Variants in NLK observed in about 807,000 individuals in gnomAD.
NLK encodes the protein serine/threonine-protein kinase NLK.
NLK carries 11 observed loss-of-function variants against 59.0 expected under a neutral mutation model. The observed-to-expected ratio is 0.19, with a 90% CI of 0.12 to 0.31. The LOEUF (loss-of-function observed/expected upper bound fraction) is 0.31, where lower values mean the gene tolerates loss of function less well. Among genes scored for constraint, NLK ranks in the 10% least tolerant of loss-of-function variants. The pLI is 1.00. For missense variants in NLK, 410 were observed against 661.1 expected (o/e 0.62, Z 4.16); for synonymous variants, 235 against 235.9 (o/e 1.00, Z 0.03).
At chr17:28,187,234 T>G (rs560066765) in intron 8 of NLK, among the ~76,000 whole-genome samples, 1 of 152,330 alleles carries the variant, frequency 6.6e-6, no homozygotes. Context: ...CTACCAGGTG[T>G]GCATACACTG....
intron 1 of NLK, among the ~76,000 whole-genome samples, chr17:28,044,065 G>A (rs1023559152): frequency 1.3e-5 from 2 of 152,184 alleles, no homozygotes; most frequent in Non-Finnish European, 2.9e-5. Context: ...AGTTGCTGTA[G>A]TAGGAAATAA....
Position 28,195,554 on chromosome 17 carries a change from A to C in NLK, c.*918A>C, listed in dbSNP as rs953636490. 2 of 152,522 alleles carry C rather than the reference A, an allele frequency of 1.3e-5. No individual in the cohort carries two copies. The highest frequency in any genetic ancestry group is 2.1e-4 in the South Asian group (1 of 4,824). 9.4% of individuals were successfully genotyped at this position (152,522 alleles called of 1,614,324 possible). A position where few individuals can be genotyped will look rare whatever the true frequency, so the allele number is the denominator to read the frequency against. ...AAAAAATAATAAAAGACAAAAACAA[A>C]TTTAAAAAAAAATTTAAGCCACAAA... On this transcript the variant is annotated 3_prime_UTR_variant, in exon 11 of 11. Coordinates refer to ENST00000407008, the MANE Select transcript of NLK (RefSeq NM_016231.5).
chr17:28,095,063 A>G (rs1904652611), intron 1 of NLK, among the ~76,000 whole-genome samples: 4 of 152,192 alleles, frequency 2.6e-5, no homozygotes, highest in Admixed American at 2.6e-4. Context: ...CCTTACCAGA[A>G]TAAAATTAGA....
At chr17:28,167,425 G>C (rs1662792879) in intron 5 of NLK, among the ~76,000 whole-genome samples, 1 of 150,688 alleles carries the variant, frequency 6.6e-6, no homozygotes, top group African/African-American at 2.4e-5. Context: ...ATTGTTTGTA[G>C]AGTTGAGATC....
intron 4 of NLK, among the ~76,000 whole-genome samples, chr17:28,162,670 T>C (rs1908060057): frequency 6.6e-6 from 1 of 152,140 alleles, no homozygotes; most frequent in Admixed American, 6.5e-5. Flanking sequence ...CTAAGATTTG[T>C]TCATATTCTA....
chr17:28,117,585 C>T (rs890181439), intron 1 of NLK, among the ~76,000 whole-genome samples: 1 of 152,134 alleles, frequency 6.6e-6, no homozygotes, highest in Non-Finnish European at 1.5e-5. Context: ...AGATATTTTG[C>T]TGCTCCTAAG....
chr17:28,185,114 G>T (rs1909065044), intron 7 of NLK, 65 bp from the exon 8 acceptor site: 2 of 866,596 alleles, frequency 2.3e-6, no homozygotes, highest in East Asian at 2.8e-5. Flanking sequence ...TCATAAATTG[G>T]CTGTATTCCA....
At chr17:28,190,676 A>G (rs1909274252) in intron 8 of NLK, among the ~76,000 whole-genome samples, 1 of 152,154 alleles carries the variant, frequency 6.6e-6, no homozygotes. Flanking sequence ...TGTTATTTAA[A>G]AGGTAAACGT....
chr17:28,155,315 C>A (rs1349390301), intron 3 of NLK, among the ~76,000 whole-genome samples: 3 of 152,130 alleles, frequency 2.0e-5, no homozygotes, highest in African/African-American at 7.2e-5. Flanking sequence ...AATAGGAACG[C>A]TTTTACACTG....
At chr17:28,055,047 A>G (rs1188695719) in intron 1 of NLK, among the ~76,000 whole-genome samples, 1 of 151,740 alleles carries the variant, frequency 6.6e-6, no homozygotes, top group African/African-American at 2.4e-5. Flanking sequence ...CAGCGGAGAT[A>G]GTAATAGTAT....
At chr17:28,050,633 A>G (rs1029209686) in intron 1 of NLK, among the ~76,000 whole-genome samples, 7 of 152,052 alleles carry the variant, frequency 4.6e-5, no homozygotes, top group African/African-American at 1.7e-4. Flanking sequence ...TATGTAAAAT[A>G]GAAGAGTAGA....
At chr17:28,167,130 G>A (rs140035515) in intron 5 of NLK, among the ~76,000 whole-genome samples, 3 of 152,250 alleles carry the variant, frequency 2.0e-5, no homozygotes, top group East Asian at 1.9e-4. Context: ...TCATAAAGAC[G>A]ACAGACACAG....
intron 8 of NLK, among the ~76,000 whole-genome samples, chr17:28,186,097 A>AT (rs1230215508): frequency 6.6e-6 from 1 of 152,242 alleles, no homozygotes; most frequent in African/African-American, 2.4e-5. Flanking sequence ...AGTAAAGAAA[A>AT]TTTAACTTGC....
intron 1 of NLK, among the ~76,000 whole-genome samples, chr17:28,065,845 T>C (rs1302374361): frequency 6.6e-6 from 1 of 152,218 alleles, no homozygotes; most frequent in Non-Finnish European, 1.5e-5. Flanking sequence ...CTAGCAAGTC[T>C]TAGACTTGTC....
chr17:28,102,675 C>A (rs1054374403), intron 1 of NLK, among the ~76,000 whole-genome samples: 8 of 152,102 alleles, frequency 5.3e-5, no homozygotes, highest in African/African-American at 1.9e-4. Flanking sequence ...AGTTTTTACC[C>A]CCCTCAGCTA....
chr17:28,059,520 CTG>C (rs1381066657), intron 1 of NLK, among the ~76,000 whole-genome samples: 1 of 152,092 alleles, frequency 6.6e-6, no homozygotes, highest in East Asian at 1.9e-4. Context: ...TTAATAGAAA[CTG>C]TGTCCAAAGT....
At chr17:28,114,338 T>A (rs2142808475) in intron 1 of NLK, among the ~76,000 whole-genome samples, 1 of 152,296 alleles carries the variant, frequency 6.6e-6, no homozygotes, top group Non-Finnish European at 1.5e-5. Flanking sequence ...TCCAAAGTGA[T>A]TATAACAATT....
At position 28,192,176 on chromosome 17, in the gene NLK, A is replaced by G; in HGVS notation, c.1492A>G (p.Ile498Val). The part of the protein sequence containing the change: ...QQKGNRVPLC[I>V]NPQSAAFKSF... Reference sequence around the variant, plus strand: ...GAAAGGAAACAGAGTGCCTCTCTGCATCAACCCTCAGTCTGCTGCTTTTAA... The same window carrying G: ...GAAAGGAAACAGAGTGCCTCTCTGCGTCAACCCTCAGTCTGCTGCTTTTAA... The change falls in exon 10 of 11, where the codon ATC becomes GTC. Residue 498 changes from isoleucine to valine, a missense_variant. Ile to Val is a conservative substitution (Grantham distance 29). This residue lies in a region of NLK where 2 missense variants were observed against 18.8 expected (regional missense o/e 0.11). Transcript: ENST00000407008. 1 of 1,608,814 alleles carries G rather than the reference A, an allele frequency of 6.2e-7. No individual in the cohort carries two copies. Among genetic ancestry groups the G allele is most frequent in the Non-Finnish European group, 8.5e-7 (1 of 1,176,294 alleles).
chr17:28,181,744 A>G (rs1908914961), intron 7 of NLK, among the ~76,000 whole-genome samples: 1 of 152,086 alleles, frequency 6.6e-6, no homozygotes. Context: ...GCAGTGGCTC[A>G]CACCTGTACA....
Sources: allele counts gnomAD v4.1 joint callset (sites outside exome capture counted in the v4.1 genomes callset), GRCh38; gene constraint gnomAD v4.1.1; regional missense constraint gnomAD v4.1.1; transcripts MANE v1.5; gene names NCBI Gene and HGNC (gene_info 2026-07-23, HGNC 2026-07-21).